The following TXK variants were observed in gnomAD, a reference collection of about 807,000 sequenced individuals.
TXK encodes the protein tyrosine-protein kinase TXK.
A neutral mutation model predicts 81.0 loss-of-function variants in TXK; 60 were observed. The observed-to-expected ratio is 0.74, with a 90% CI of 0.60 to 0.92. The LOEUF (loss-of-function observed/expected upper bound fraction) is 0.92, where lower values mean the gene tolerates loss of function less well. TXK is among the 40% of genes least tolerant of loss of function. The pLI is 0.00. For missense variants in TXK, 581 were observed against 638.3 expected, an observed-to-expected ratio of 0.91 and a Z score of 0.97; for synonymous variants, 203 against 210.7, an observed-to-expected ratio of 0.96 and a Z score of 0.32.
intron 4 of TXK, among the ~76,000 whole-genome samples, chr4:48,111,232 A>G (rs1718624289): frequency 6.6e-6 from 1 of 152,350 alleles, no homozygotes; most frequent in African/African-American, 2.4e-5. Flanking sequence ...AAGATCTCCA[A>G]GACATATTAT....
chr4:48,079,874 T>C (rs1326037805), intron 11 of TXK, 38 bp downstream of exon 11: 1 of 1,362,776 alleles, frequency 7.3e-7, no homozygotes, highest in Non-Finnish European at 1.0e-6. Flanking sequence ...AATATAGGTA[T>C]GATACAAAAA....
At chr4:48,121,090 TTTTC>T (rs1439573234) in intron 1 of TXK, among the ~76,000 whole-genome samples, 4 of 152,086 alleles carry the variant, frequency 2.6e-5, no homozygotes, top group East Asian at 3.8e-4. Flanking sequence ...TGATTTCTTC[TTTTC>T]TTTGTCTTAT....
rs117856475 is a variant in TXK, at chr4:48,112,964, A to T, written c.174+243T>A. On this transcript the variant is annotated intron_variant, in intron 3 of 14. Transcript: ENST00000264316. ...TCAGCCTCAAAATGACAGAAGCCAG[A>T]ATATGTTTTTTCCCACTCATTGCCC... 4.8e-4 allele frequency among the ~76,000 whole-genome samples: 73 copies of T among 152,222 alleles called. No individual in the cohort carries two copies. In the East Asian group the frequency reaches 8.9e-3, roughly 19 times the overall value.
chr4:48,074,147 A>T, intron 12 of TXK, 94 bp from the exon 13 acceptor site: 1 of 938,336 alleles, frequency 1.1e-6, no homozygotes, highest in Non-Finnish European at 1.7e-6. Context: ...GCTAAAAGAC[A>T]AAGTATTTTA....
chr4:48,086,427 G>T, intron 10 of TXK, 39 bp downstream of exon 10: 1 of 1,602,588 alleles, frequency 6.2e-7, no homozygotes. Context: ...TGACACCAGG[G>T]CATGGTATGA....
At chr4:48,118,406 T>C (rs1718867573) in intron 1 of TXK, among the ~76,000 whole-genome samples, 1 of 152,214 alleles carries the variant, frequency 6.6e-6, no homozygotes, top group Admixed American at 6.5e-5. Flanking sequence ...GAATAGATGC[T>C]GCATGCTTAT....
rs564733592 is a variant in TXK at position 48,071,454 on chromosome 4, T to C, written c.1515+63A>G. On this transcript the variant is annotated intron_variant, in intron 14 of 14. Coordinates refer to ENST00000264316, the MANE Select transcript of TXK (RefSeq NM_003328.3). ...CAGAGTTCTGAAGTAATGTTTGTGATAATCAGGTCTGCTCTCAGATGCTGG... is the reference window on the plus strand; with the variant it reads ...CAGAGTTCTGAAGTAATGTTTGTGACAATCAGGTCTGCTCTCAGATGCTGG... 407 of 1,488,890 alleles carry C rather than the reference T, an allele frequency of 2.7e-4. 2 individuals are homozygous for C. In the South Asian group the frequency reaches 4.8e-3, roughly 17 times the overall value. The allele number at this position is 1,488,890 out of a possible 1,614,324, so 92.2% of individuals were successfully genotyped here. A position where few individuals can be genotyped will look rare whatever the true frequency, so the allele number is the denominator to read the frequency against.
At chr4:48,110,460 G>T in intron 5 of TXK, 78 bp downstream of exon 5, 1 of 1,013,174 alleles carries the variant, frequency 9.9e-7, no homozygotes, top group South Asian at 1.4e-5. Flanking sequence ...TCCTTCTACA[G>T]ACCCAAAACA....
At chr4:48,129,211 C>T (rs974122067) in intron 1 of TXK, among the ~76,000 whole-genome samples, 10 of 152,130 alleles carry the variant, frequency 6.6e-5, no homozygotes, top group South Asian at 2.1e-4. Context: ...TGTGTTCGCA[C>T]GTGTGTGCAC....
chr4:48,079,889 AAG>A (rs2109408081), intron 11 of TXK, 21 bp downstream of exon 11: 1 of 1,565,320 alleles, frequency 6.4e-7, no homozygotes, highest in Non-Finnish European at 8.8e-7. Flanking sequence ...CAAAAAAAAA[AAG>A]TAAATTTGCA....
chr4:48,077,268 T>G lies in TXK; in HGVS notation c.1174-802A>C, dbSNP rs576455141. Among the ~76,000 whole-genome samples the G allele has an allele frequency of 2.6e-3, 31 of 11,824 alleles. No individual in the cohort carries two copies. The East Asian group carries it at 0.25, about 95-fold the overall frequency. The allele number at this position is 11,824 out of a possible 152,430, so 7.8% of individuals were successfully genotyped here. A position where few individuals can be genotyped will look rare whatever the true frequency, so the allele number is the denominator to read the frequency against. On this transcript the variant is annotated intron_variant, in intron 11 of 14. Transcript: ENST00000264316. ...TCATTGATTTGATTATTTAGCCTCA[T>G]GTAGGTAGATAAACTATTTGATAGA...
At chr4:48,079,886 A>C in intron 11 of TXK, 26 bp downstream of exon 11, 1 of 1,565,856 alleles carries the variant, frequency 6.4e-7, no homozygotes, top group Non-Finnish European at 8.8e-7. Flanking sequence ...ATACAAAAAA[A>C]AAAAGTAAAT....
chr4:48,083,324 C>A (rs1165684293), intron 10 of TXK, among the ~76,000 whole-genome samples: 1 of 152,232 alleles, frequency 6.6e-6, no homozygotes, highest in African/African-American at 2.4e-5. Context: ...AAGTGGGGGC[C>A]AGAAAACTTT....
At chr4:48,072,233 C>T (rs538933203) in intron 13 of TXK, among the ~76,000 whole-genome samples, 7 of 152,114 alleles carry the variant, frequency 4.6e-5, no homozygotes, top group South Asian at 2.1e-4. Context: ...CGAGCTCTGA[C>T]CTCAGGTGAT....
At chr4:48,128,665 C>T (rs1018476216) in intron 1 of TXK, among the ~76,000 whole-genome samples, 1 of 147,354 alleles carries the variant, frequency 6.8e-6, no homozygotes, top group Admixed American at 6.9e-5. Context: ...CCCGGGTTCA[C>T]GCCATTCTCC....
intron 5 of TXK, chr4:48,106,333 G>A (rs1419003979): frequency 6.6e-6 from 1 of 151,712 alleles, no homozygotes; most frequent in East Asian, 1.9e-4. Context: ...GAGGAGGCAA[G>A]AGCACAGTAT....
intron 5 of TXK, among the ~76,000 whole-genome samples, chr4:48,105,722 C>A (rs1409248131): frequency 1.3e-5 from 2 of 152,084 alleles, no homozygotes; most frequent in Non-Finnish European, 2.9e-5. Flanking sequence ...ATACATGGAA[C>A]AACCAATACA....
At chr4:48,085,386 C>T (rs981485241) in intron 10 of TXK, among the ~76,000 whole-genome samples, 8 of 152,000 alleles carry the variant, frequency 5.3e-5, no homozygotes, top group African/African-American at 1.9e-4. Flanking sequence ...ACATAACCAT[C>T]ATTTCTGCTT....
At chr4:48,097,251 C>T (rs1560351245) in intron 6 of TXK, among the ~76,000 whole-genome samples, 1 of 151,864 alleles carries the variant, frequency 6.6e-6, no homozygotes, top group Non-Finnish European at 1.5e-5. Flanking sequence ...ATCAAGGATC[C>T]AGTAAAAATT....
Sources: gnomAD v4.1 joint callset for allele counts (sites outside exome capture counted in the v4.1 genomes callset) on GRCh38, gnomAD v4.1.1 for gene constraint, MANE v1.5 for transcripts, NCBI Gene and HGNC (gene_info 2026-07-23, HGNC 2026-07-21) for gene names.